The following RPS6KC1 variants were observed in gnomAD, a reference collection of about 807,000 sequenced individuals.
RPS6KC1 encodes ribosomal protein S6 kinase C1.
A neutral mutation model predicts 103.8 loss-of-function variants in RPS6KC1; 54 were observed. That is an observed-to-expected ratio of 0.52 (90% CI 0.42 to 0.65). The LOEUF is 0.65. Ranked by LOEUF, RPS6KC1 falls within the 30% of genes least tolerant of loss-of-function variation. The pLI is 0.00. For synonymous variants in RPS6KC1, 439 were observed against 438.7 expected, an observed-to-expected ratio of 1.00 and a Z score of -0.01; for missense variants, 1,151 against 1,253.8, an observed-to-expected ratio of 0.92 and a Z score of 1.24.
intron 8 of RPS6KC1, among the ~76,000 whole-genome samples, chr1:213,225,615 C>T (rs983562964): frequency 2.6e-5 from 4 of 152,176 alleles, no homozygotes; most frequent in Admixed American, 2.6e-4. Flanking sequence ...TCTTAAACTC[C>T]TGACCTCAGG....
At chr1:213,683,640 G>T in the RPS6KC1 span, among the ~76,000 whole-genome samples, 2 of 152,144 alleles carry the variant, frequency 1.3e-5, no homozygotes, top group Non-Finnish European at 2.9e-5. Flanking sequence ...CTTAATCAGG[G>T]CTGGTCACAC....
At chr1:213,680,309 G>A in the RPS6KC1 span, among the ~76,000 whole-genome samples, 15 of 152,152 alleles carry the variant, frequency 9.9e-5, no homozygotes, top group Non-Finnish European at 1.6e-4. Flanking sequence ...AAAACAGCAC[G>A]AGATGTGAAT....
the RPS6KC1 span, among the ~76,000 whole-genome samples, chr1:213,824,189 A>G: frequency 6.6e-6 from 1 of 152,188 alleles, no homozygotes. Flanking sequence ...GCTTCCACCC[A>G]AAGTATGACC....
intron 8 of RPS6KC1, among the ~76,000 whole-genome samples, chr1:213,219,119 A>G (rs1437764070): frequency 2.6e-5 from 4 of 152,240 alleles, no homozygotes; most frequent in African/African-American, 9.6e-5. Context: ...CTTATCTGAC[A>G]AAGGGCTAAT....
chr1:213,059,193 G>T (rs1432591926), intron 1 of RPS6KC1, among the ~76,000 whole-genome samples: 3 of 152,180 alleles, frequency 2.0e-5, no homozygotes, highest in East Asian at 1.9e-4. Flanking sequence ...TGCCATGTTG[G>T]TGTATCATGT....
the RPS6KC1 span, among the ~76,000 whole-genome samples, chr1:213,671,991 G>T: frequency 6.6e-6 from 1 of 151,824 alleles, no homozygotes; most frequent in Admixed American, 6.6e-5. Context: ...AAGAGTGATG[G>T]TCCTTGGCTC....
the RPS6KC1 span, among the ~76,000 whole-genome samples, chr1:213,493,456 T>A: frequency 6.6e-6 from 1 of 152,184 alleles, no homozygotes; most frequent in Non-Finnish European, 1.5e-5. Flanking sequence ...AGTAGACAAC[T>A]AACGGCCAAC....
At chr1:213,496,110 T>C in the RPS6KC1 span, among the ~76,000 whole-genome samples, 2 of 151,490 alleles carry the variant, frequency 1.3e-5, no homozygotes, top group African/African-American at 2.4e-5. Context: ...AGGTAACAGA[T>C]ACTAGAAATA....
chr1:213,285,869 G>A, the RPS6KC1 span, among the ~76,000 whole-genome samples: 2 of 152,204 alleles, frequency 1.3e-5, no homozygotes, highest in African/African-American at 2.4e-5. Context: ...ATGTGAGGAT[G>A]CAGCAAGAGA....
intron 8 of RPS6KC1, among the ~76,000 whole-genome samples, chr1:213,180,994 T>C (rs937673640): frequency 6.6e-6 from 1 of 152,166 alleles, no homozygotes; most frequent in East Asian, 1.9e-4. Flanking sequence ...GGTTTTGATA[T>C]TGAATTAGAA....
chr1:213,834,253 G>A, the RPS6KC1 span, among the ~76,000 whole-genome samples: 1,235 of 152,200 alleles, frequency 8.1e-3, 7 homozygotes, highest in South Asian at 0.013. Flanking sequence ...TCAAACTCCT[G>A]AGCTCAAACA....
the RPS6KC1 span, among the ~76,000 whole-genome samples, chr1:213,606,095 A>T: frequency 6.6e-6 from 1 of 152,244 alleles, no homozygotes; most frequent in African/African-American, 2.4e-5. Flanking sequence ...TGACAGACAT[A>T]GTTTCTGAAA....
At chr1:213,608,042 A>T in the RPS6KC1 span, among the ~76,000 whole-genome samples, 1 of 152,172 alleles carries the variant, frequency 6.6e-6, no homozygotes, top group Non-Finnish European at 1.5e-5. Context: ...TTCAGAAGTC[A>T]CATGCAGGAC....
At chr1:213,536,240 G>C in the RPS6KC1 span, among the ~76,000 whole-genome samples, 2 of 152,120 alleles carry the variant, frequency 1.3e-5, no homozygotes, top group Non-Finnish European at 1.5e-5. Flanking sequence ...ATCCAAAGCG[G>C]GTGGAGGATG....
the RPS6KC1 span, among the ~76,000 whole-genome samples, chr1:213,303,241 G>A: frequency 6.6e-6 from 1 of 152,218 alleles, no homozygotes; most frequent in Non-Finnish European, 1.5e-5. Flanking sequence ...TGAGCGGGGA[G>A]AGGAGAGGAT....
chr1:213,054,172 T>G (rs982586927), intron 1 of RPS6KC1, among the ~76,000 whole-genome samples: 3 of 152,226 alleles, frequency 2.0e-5, no homozygotes, highest in Non-Finnish European at 4.4e-5. Context: ...GTGACCTATT[T>G]ACTGAGCTAA....
intron 8 of RPS6KC1, among the ~76,000 whole-genome samples, chr1:213,221,001 A>G (rs1003520831): frequency 4.6e-5 from 7 of 152,118 alleles, no homozygotes; most frequent in Admixed American, 4.6e-4. Flanking sequence ...GTTATGTTTG[A>G]AGTATGGGTA....
chr1:213,541,078 A>T, the RPS6KC1 span, among the ~76,000 whole-genome samples: 13 of 90,602 alleles, frequency 1.4e-4, no homozygotes, highest in East Asian at 4.3e-3. Flanking sequence ...CCTCAAAGTC[A>T]TCCATGGGGT....
the RPS6KC1 span, among the ~76,000 whole-genome samples, chr1:213,497,576 G>GT: frequency 6.6e-6 from 1 of 152,076 alleles, no homozygotes. Context: ...AACCAAAGCA[G>GT]TAACAGGATT....
Sources: allele counts gnomAD v4.1 joint callset (sites outside exome capture counted in the v4.1 genomes callset), GRCh38; gene constraint gnomAD v4.1.1; transcripts MANE v1.5; gene names NCBI Gene and HGNC (gene_info 2026-07-23, HGNC 2026-07-21).